Variants in PAPPA2 observed in about 807,000 individuals in gnomAD.
PAPPA2 encodes pappalysin 2, also known as pappalysin-2.
A neutral mutation model predicts 176.4 loss-of-function variants in PAPPA2; 86 were observed. The ratio of observed to expected loss-of-function variants is 0.49; its 90% CI spans 0.41 to 0.58. The LOEUF (loss-of-function observed/expected upper bound fraction) is 0.58, where lower values mean the gene tolerates loss of function less well. PAPPA2 is among the 20% of genes least tolerant of loss of function. PAPPA2 has a pLI of 0.00. For missense variants in PAPPA2, 2,073 were observed against 2,256.9 expected (o/e 0.92, Z 1.65); for synonymous variants, 809 against 852.2 (o/e 0.95, Z 0.88).
intron 3 of PAPPA2, among the ~76,000 whole-genome samples, chr1:176,664,663 C>CT (rs1658534626): frequency 6.6e-6 from 1 of 152,204 alleles, no homozygotes; most frequent in Admixed American, 6.5e-5. Context: ...TGACACTAGA[C>CT]TTTAAGTCCT....
intron 14 of PAPPA2, among the ~76,000 whole-genome samples, chr1:176,743,666 A>C (rs1054415832): frequency 6.6e-6 from 1 of 152,198 alleles, no homozygotes; most frequent in Non-Finnish European, 1.5e-5. Flanking sequence ...CCAGACACCA[A>C]TATGTTAACA....
intron 3 of PAPPA2, among the ~76,000 whole-genome samples, chr1:176,635,004 T>TAGAC (rs1656612700): frequency 6.8e-6 from 1 of 147,768 alleles, no homozygotes; most frequent in South Asian, 2.2e-4. Flanking sequence ...GATAGATAGA[T>TAGAC]AGATAGATAG....
At chr1:176,584,462 G>T (rs1653181311) in intron 2 of PAPPA2, among the ~76,000 whole-genome samples, 1 of 151,136 alleles carries the variant, frequency 6.6e-6, no homozygotes, top group Admixed American at 6.6e-5. Flanking sequence ...AGCTTCTCCT[G>T]TTCATTTTTG....
intron 14 of PAPPA2, among the ~76,000 whole-genome samples, chr1:176,753,876 A>G (rs1364316565): frequency 2.6e-5 from 4 of 152,072 alleles, no homozygotes; most frequent in African/African-American, 4.8e-5. Context: ...TCCTTTTCCC[A>G]TAATGATTTG....
chr1:176,834,561 C>T (rs1667197605), intron 21 of PAPPA2, among the ~76,000 whole-genome samples: 1 of 152,184 alleles, frequency 6.6e-6, no homozygotes, highest in Admixed American at 6.5e-5. Flanking sequence ...AGTGTTGCTT[C>T]CTCCTGGGGA....
chr1:176,619,931 T>C (rs1338363269), intron 3 of PAPPA2, among the ~76,000 whole-genome samples: 1 of 152,184 alleles, frequency 6.6e-6, no homozygotes, highest in Non-Finnish European at 1.5e-5. Context: ...TATGGTGTAT[T>C]GAAGAAACCA....
chr1:176,784,116 T>A (rs1022385731), intron 17 of PAPPA2, among the ~76,000 whole-genome samples: 1 of 152,190 alleles, frequency 6.6e-6, no homozygotes, highest in African/African-American at 2.4e-5. Flanking sequence ...ACAAATGAGG[T>A]ATTTTAGCTG....
chr1:176,794,133 C>G (rs1665316666), intron 20 of PAPPA2, among the ~76,000 whole-genome samples: 2 of 152,136 alleles, frequency 1.3e-5, no homozygotes, highest in African/African-American at 4.8e-5. Flanking sequence ...GCTTTGTATT[C>G]CTGCCTGACT....
intron 4 of PAPPA2, among the ~76,000 whole-genome samples, chr1:176,689,137 A>G (rs780416321): frequency 6.6e-6 from 1 of 152,162 alleles, no homozygotes; most frequent in Non-Finnish European, 1.5e-5. Flanking sequence ...CTTGTCTTTC[A>G]GAGATAAGAC....
chr1:176,802,522 C>T (rs944321780), intron 21 of PAPPA2, among the ~76,000 whole-genome samples: 1 of 152,040 alleles, frequency 6.6e-6, no homozygotes, highest in African/African-American at 2.4e-5. Context: ...AGACTGGAGG[C>T]AAGATAAAGC....
intron 22 of PAPPA2, among the ~76,000 whole-genome samples, chr1:176,840,584 C>G (rs1190550916): frequency 6.6e-6 from 1 of 152,072 alleles, no homozygotes; most frequent in Non-Finnish European, 1.5e-5. Context: ...GTCCTTACCC[C>G]TGGGGGAGGT....
chr1:176,662,370 C>T (rs1423610638), intron 3 of PAPPA2, among the ~76,000 whole-genome samples: 1 of 152,026 alleles, frequency 6.6e-6, no homozygotes, highest in Non-Finnish European at 1.5e-5. Flanking sequence ...ATAAATGGTG[C>T]CAGGTAAATA....
chr1:176,799,273 A>C (rs1025096246), intron 20 of PAPPA2, among the ~76,000 whole-genome samples: 1 of 152,256 alleles, frequency 6.6e-6, no homozygotes, highest in African/African-American at 2.4e-5. Context: ...TATAAAAAGA[A>C]AAAGAAAAAA....
At position 176,690,388 on chromosome 1, in the gene PAPPA2, C is replaced by T. The variant is rs749499139; in HGVS notation, c.2389C>T (p.Arg797Cys). Residue 797 changes from arginine (R) to cysteine (C), a missense_variant, in exon 5 of 23, where the codon CGC becomes TGC. Transcript: ENST00000367662. ...EPTSDTCGFTRFPGAPFTNYM... is the reference protein window; with the variant it reads ...EPTSDTCGFTCFPGAPFTNYM... The stretch of plus-strand genomic sequence containing the variant: ...CACTAGTGACACCTGTGGCTTCACT[C>T]GCTTCCCAGGGGCTCCGTTCACCAA... 4.4e-5 allele frequency: 71 copies of T among 1,614,136 alleles called. No homozygotes were observed. Among genetic ancestry groups the T allele is most frequent in the South Asian group, 3.3e-4 (30 of 91,082 alleles).
intron 17 of PAPPA2, among the ~76,000 whole-genome samples, chr1:176,774,867 C>A (rs1664387056): frequency 1.3e-5 from 2 of 152,162 alleles, no homozygotes; most frequent in East Asian, 3.8e-4. Context: ...CCTGGCAGAC[C>A]CTTCAGCTCT....
chr1:176,789,148 C>A (rs189672897), intron 17 of PAPPA2, among the ~76,000 whole-genome samples: 11 of 152,250 alleles, frequency 7.2e-5, no homozygotes, highest in Admixed American at 5.2e-4. Flanking sequence ...TTAAGAATAA[C>A]CTAAATGTCC....
chr1:176,480,197 C>A (rs1041487444), intron 1 of PAPPA2, among the ~76,000 whole-genome samples: 1 of 152,208 alleles, frequency 6.6e-6, no homozygotes, highest in Non-Finnish European at 1.5e-5. Flanking sequence ...TGGGCCTCCT[C>A]CGTGCCCAGC....
intron 3 of PAPPA2, among the ~76,000 whole-genome samples, chr1:176,662,071 T>C (rs1658388087): frequency 6.6e-6 from 1 of 152,118 alleles, no homozygotes; most frequent in South Asian, 2.1e-4. Context: ...ATTGCCAGGG[T>C]CTAGCACAGT....
In PAPPA2 at chr1:176,791,413, G is replaced by T. The variant is rs778414398; in HGVS notation, c.4951G>T (p.Gly1651Ter). Residue 1651 changes from glycine (G) to a stop codon, truncating the protein, a stop_gained, in exon 19 of 23, where the codon GGA (glycine) becomes TGA (stop). Coordinates refer to ENST00000367662, the MANE Select transcript of PAPPA2 (RefSeq NM_020318.3). LOFTEE classifies it high-confidence loss of function. ...GTTTAAGTTGTGTGAGAATCTGCAA[G>T]GAGAATGCCCACCACCCCCCTCAGA... ...QEFKLCENLQ[G>*]ECPPPPSELN... The T allele has an allele frequency of 6.2e-7, 1 of 1,613,206 alleles. No individual in the cohort carries two copies. The highest frequency in any genetic ancestry group is 8.5e-7 in the Non-Finnish European group (1 of 1,179,292).
Sources: allele counts gnomAD v4.1 joint callset (sites outside exome capture counted in the v4.1 genomes callset), GRCh38; gene constraint gnomAD v4.1.1; transcripts MANE v1.5; gene names NCBI Gene and HGNC (gene_info 2026-07-23, HGNC 2026-07-21).